The following WDFY3 variants were observed in gnomAD, a reference collection of about 807,000 sequenced individuals.
WDFY3 encodes WD repeat and FYVE domain containing 3, also known as WD repeat and FYVE domain-containing protein 3.
A neutral mutation model predicts 409.6 loss-of-function variants in WDFY3; 66 were observed. The ratio of observed to expected loss-of-function variants is 0.16; its 90% CI spans 0.13 to 0.20. The LOEUF is 0.20. Among genes scored for constraint, WDFY3 ranks in the 10% least tolerant of loss-of-function variants. The probability of loss-of-function intolerance (pLI) is 1.00; values close to 1 mark genes in which losing one functional copy is unlikely to be tolerated. For synonymous variants in WDFY3, 1,521 were observed against 1,537.1 expected, an observed-to-expected ratio of 0.99 and a Z score of 0.25; for missense variants, 3,031 against 4,298.1, an observed-to-expected ratio of 0.71 and a Z score of 8.24.
At position 84,826,371 on chromosome 4, in the gene WDFY3, G is replaced by A. The variant is rs372123479; in HGVS notation, c.1123+444C>T. On this transcript the variant is annotated intron_variant, in intron 10 of 67. Coordinates refer to ENST00000295888, the MANE Select transcript of WDFY3 (RefSeq NM_014991.6). ...AAATACTATACCATTTTATATCAGG[G>A]ACTTGAGTATCTGTGGATTTTGGTA... Among the ~76,000 whole-genome samples the A allele has an allele frequency of 7.2e-5, 11 of 152,230 alleles. No individual in the cohort carries two copies. The East Asian group carries it at 1.7e-3, about 24-fold the overall frequency.
chr4:84,702,282 A>G, intron 56 of WDFY3, 71 bp downstream of exon 56: 3 of 1,458,754 alleles, frequency 2.1e-6, no homozygotes, highest in Non-Finnish European at 2.7e-6. Flanking sequence ...GACAATCTTC[A>G]GAGAAGTGAC....
At chr4:84,884,248 A>T (rs1763899537) in intron 3 of WDFY3, among the ~76,000 whole-genome samples, 1 of 152,088 alleles carries the variant, frequency 6.6e-6, no homozygotes, top group South Asian at 2.1e-4. Context: ...GATTACTTAA[A>T]ATATTTCAAC....
At chr4:84,831,926 T>C (rs560720002) in intron 7 of WDFY3, among the ~76,000 whole-genome samples, 235 of 152,266 alleles carry the variant, frequency 1.5e-3, no homozygotes, top group African/African-American at 5.4e-3. Context: ...AAAAACAGTA[T>C]GGAGGATCCT....
chr4:84,928,271 G>C (rs1448991591), intron 2 of WDFY3, among the ~76,000 whole-genome samples: 2 of 152,030 alleles, frequency 1.3e-5, no homozygotes, highest in African/African-American at 2.4e-5. Context: ...CTTGACTCTC[G>C]AGCCCTCGGC....
At chr4:84,936,041 G>A (rs1176436576) in intron 1 of WDFY3, among the ~76,000 whole-genome samples, 4 of 152,110 alleles carry the variant, frequency 2.6e-5, no homozygotes, top group Non-Finnish European at 4.4e-5. Context: ...AGAGGATTAA[G>A]TTTAAATGTA....
intron 62 of WDFY3, among the ~76,000 whole-genome samples, chr4:84,686,132 C>T (rs1331378718): frequency 6.6e-6 from 1 of 152,020 alleles, no homozygotes; most frequent in Non-Finnish European, 1.5e-5. Context: ...GGTGAAACCC[C>T]GTCTCTACTA....
rs115805435 is a variant in WDFY3 at position 84,817,002 on chromosome 4, A to G, written c.1887+390T>C. Among the ~76,000 whole-genome samples, 539 of 152,278 alleles carry G rather than the reference A, an allele frequency of 3.5e-3. 2 individuals are homozygous for G. The highest frequency in any genetic ancestry group is 5.2e-3 in the South Asian group (25 of 4,832). ...TTTGATATCTACTAGAATATCCATTACTTACATACATACATATATGCATGC... is the reference window on the plus strand; with the variant it reads ...TTTGATATCTACTAGAATATCCATTGCTTACATACATACATATATGCATGC... On this transcript the variant is annotated intron_variant, in intron 13 of 67. Transcript: ENST00000295888.
chr4:84,868,171 C>A (rs1423937980), intron 3 of WDFY3, among the ~76,000 whole-genome samples: 5 of 38,456 alleles, frequency 1.3e-4, no homozygotes, highest in African/African-American at 3.0e-4. Flanking sequence ...GACTCTGTCT[C>A]AAAAAAAAAA....
chr4:84,940,372 G>T (rs546988747), intron 1 of WDFY3, among the ~76,000 whole-genome samples: 1 of 151,602 alleles, frequency 6.6e-6, no homozygotes, highest in Non-Finnish European at 1.5e-5. Context: ...ATACATTCAG[G>T]TTCATTTGTT....
chr4:84,721,568 C>T lies in WDFY3; in HGVS notation c.7446G>A (p.Leu2482=). 3 of 1,604,554 alleles carry T rather than the reference C, an allele frequency of 1.9e-6. No homozygotes were observed. The highest frequency in any genetic ancestry group is 2.5e-6 in the Non-Finnish European group (3 of 1,179,948). Residue 2482 remains leucine (L), a synonymous_variant, in exon 47 of 68, where the codon TTG becomes TTA. Coordinates refer to ENST00000295888, the MANE Select transcript of WDFY3 (RefSeq NM_014991.6). The part of the protein sequence containing the change: ...GEDTIAKVKG[L]VKPPLKRSRS... ...GGGAGCGTTTTAGAGGAGGCTTGAC[C>T]AAACCTACAGTATAATAACCAAGAG...
rs1483254466 is a variant in WDFY3, at chr4:84,718,487, A to G, written c.7689T>C (p.Tyr2563=). ...GLLLFGKEHF[Y]VIDGFTMTAT... ...CTGTCATGGTAAATCCATCAATCAC[A>G]TAAAAATGCTCTTTACCAAAAAGAA... is the stretch of plus-strand genomic sequence containing the variant. Residue 2563 remains tyrosine (Y), a synonymous_variant, in exon 48 of 68, where the codon TAT becomes TAC. Transcript: ENST00000295888. 1 of 1,613,996 alleles carries G rather than the reference A, an allele frequency of 6.2e-7. No homozygotes were observed. The highest frequency in any genetic ancestry group is 8.5e-7 in the Non-Finnish European group (1 of 1,179,992).
chr4:84,894,599 C>T (rs1323011426), intron 3 of WDFY3, among the ~76,000 whole-genome samples: 1 of 151,976 alleles, frequency 6.6e-6, no homozygotes, highest in Non-Finnish European at 1.5e-5. Context: ...GCAGCCTGGC[C>T]AACATAGTGA....
chr4:84,957,718 T>C (rs1207589365), intron 1 of WDFY3, among the ~76,000 whole-genome samples: 1 of 152,184 alleles, frequency 6.6e-6, no homozygotes, highest in Non-Finnish European at 1.5e-5. Flanking sequence ...GTCAAGTAAA[T>C]AAATCAACTA....
intron 15 of WDFY3, chr4:84,803,744 T>C (rs1560802318): frequency 4.3e-6 from 1 of 232,698 alleles, no homozygotes; most frequent in East Asian, 9.2e-5. Flanking sequence ...GATTAAAAAA[T>C]GACACCTGTA....
chr4:84,693,138 A>T, intron 58 of WDFY3, 106 bp from the exon 59 acceptor site: 3 of 1,172,982 alleles, frequency 2.6e-6, no homozygotes, highest in Non-Finnish European at 3.6e-6. Flanking sequence ...CACAAGAACT[A>T]TTAGGTACTA....
intron 7 of WDFY3, among the ~76,000 whole-genome samples, chr4:84,835,103 T>C (rs938472846): frequency 1.3e-5 from 2 of 152,224 alleles, no homozygotes; most frequent in Admixed American, 1.3e-4. Flanking sequence ...TTGGCCTTAA[T>C]ATTCAATGAC....
intron 64 of WDFY3, 39 bp downstream of exon 64, chr4:84,682,335 T>C: frequency 6.3e-7 from 1 of 1,577,226 alleles, no homozygotes; most frequent in Non-Finnish European, 8.7e-7. Flanking sequence ...AAAAGAAATA[T>C]GAAAACGATT....
At chr4:84,923,384 C>A (rs1769535576) in intron 2 of WDFY3, among the ~76,000 whole-genome samples, 1 of 152,148 alleles carries the variant, frequency 6.6e-6, no homozygotes, top group Admixed American at 6.5e-5. Flanking sequence ...TAGCCCAAGC[C>A]CCCCCACCTT....
At chr4:84,832,325 A>G (rs1216076451) in intron 7 of WDFY3, among the ~76,000 whole-genome samples, 1 of 152,186 alleles carries the variant, frequency 6.6e-6, no homozygotes, top group Non-Finnish European at 1.5e-5. Flanking sequence ...TTTGGTTACC[A>G]AGGGTGGATA....
Sources: allele counts gnomAD v4.1 joint callset (sites outside exome capture counted in the v4.1 genomes callset), GRCh38; gene constraint gnomAD v4.1.1; transcripts MANE v1.5; gene names NCBI Gene and HGNC (gene_info 2026-07-23, HGNC 2026-07-21).